Variants in RPS6KC1 observed in about 807,000 individuals in gnomAD.
RPS6KC1 encodes the protein inactive ribosomal protein S6 kinase delta-1.
RPS6KC1 carries 54 observed loss-of-function variants against 103.8 expected under a neutral mutation model. The observed-to-expected ratio is 0.52, with a 90% CI of 0.42 to 0.65. RPS6KC1 has a LOEUF of 0.65. Ranked by LOEUF, RPS6KC1 falls within the 30% of genes least tolerant of loss-of-function variation. The probability of loss-of-function intolerance (pLI) is 0.00; values close to 1 mark genes in which losing one functional copy is unlikely to be tolerated. For synonymous variants in RPS6KC1, 439 were observed against 438.7 expected, an observed-to-expected ratio of 1.00 and a Z score of -0.01; for missense variants, 1,151 against 1,253.8, an observed-to-expected ratio of 0.92 and a Z score of 1.24.
At chr1:213,161,348 T>C (rs866677666) in intron 6 of RPS6KC1, among the ~76,000 whole-genome samples, 1 of 152,010 alleles carries the variant, frequency 6.6e-6, no homozygotes, top group African/African-American at 2.4e-5. Context: ...GGTGACAAAG[T>C]CTCGCTCTGT....
chr1:213,568,805 G>C, the RPS6KC1 span, among the ~76,000 whole-genome samples: 1 of 152,210 alleles, frequency 6.6e-6, no homozygotes, highest in Non-Finnish European at 1.5e-5. Flanking sequence ...CTTGACTGTG[G>C]TAAGGGAACA....
chr1:213,602,118 T>TTCTC, the RPS6KC1 span, among the ~76,000 whole-genome samples: 3 of 8,896 alleles, frequency 3.4e-4, no homozygotes, highest in Admixed American at 3.1e-3. Context: ...CTTTCTTTCT[T>TTCTC]TCTCTTTCTT....
chr1:213,515,830 A>C, the RPS6KC1 span, among the ~76,000 whole-genome samples: 1 of 151,942 alleles, frequency 6.6e-6, no homozygotes, highest in Non-Finnish European at 1.5e-5. Flanking sequence ...CAGTGTGGCC[A>C]TTTTCGCGAT....
At chr1:213,522,942 T>A in the RPS6KC1 span, among the ~76,000 whole-genome samples, 2 of 152,242 alleles carry the variant, frequency 1.3e-5, no homozygotes, top group African/African-American at 4.8e-5. Context: ...GTTATTCTTT[T>A]CATTCACAAC....
chr1:213,676,790 G>T, the RPS6KC1 span, among the ~76,000 whole-genome samples: 1 of 152,272 alleles, frequency 6.6e-6, no homozygotes, highest in East Asian at 1.9e-4. Context: ...TTGTATACCT[G>T]CTCACTTCTC....
At chr1:213,454,188 A>G in the RPS6KC1 span, among the ~76,000 whole-genome samples, 2 of 151,898 alleles carry the variant, frequency 1.3e-5, no homozygotes, top group African/African-American at 2.4e-5. Flanking sequence ...TCAAGGGTCA[A>G]CTCTATCTTA....
the RPS6KC1 span, among the ~76,000 whole-genome samples, chr1:213,412,888 C>A: frequency 6.6e-6 from 1 of 152,208 alleles, no homozygotes; most frequent in African/African-American, 2.4e-5. Context: ...GAGAAACACT[C>A]CCCCCAGCCA....
intron 1 of RPS6KC1, among the ~76,000 whole-genome samples, chr1:213,062,185 C>G (rs1183862547): frequency 2.0e-5 from 3 of 152,068 alleles, no homozygotes; most frequent in South Asian, 2.1e-4. Flanking sequence ...TTTTGAGTGT[C>G]AAATGATGCT....
rs12027966 is a variant in RPS6KC1 at position 213,267,995 on chromosome 1, G to T, written c.3091-4529G>T. ...ATAGTCCCAGAAGGAGAGGAGAAAG[G>T]GAAAGGGACAGCAAAAAGAAATAAT... is the stretch of plus-strand genomic sequence containing the variant. On this transcript the variant is annotated intron_variant, in intron 14 of 14. Coordinates refer to ENST00000366960, the MANE Select transcript of RPS6KC1 (RefSeq NM_012424.6). Among the ~76,000 whole-genome samples the T allele has an allele frequency of 6.0e-4, 91 of 151,602 alleles. No individual in the cohort carries two copies. In the East Asian group the frequency reaches 0.017, roughly 28 times the overall value.
Position 213,241,646 on chromosome 1 carries a change from A to T in RPS6KC1, c.2170A>T (p.Lys724Ter). The change falls in exon 11 of 15, where the codon AAA (lysine) becomes TAA (stop). Residue 724 changes from lysine to a stop codon, truncating the protein, a stop_gained. Transcript: ENST00000366960. LOFTEE classifies it high-confidence loss of function. ...TQTNIGIIEN[K>*]LLEAPDVLCL... ...AACTAATATAGGGATAATAGAAAAT[A>T]AACTCTTGGAAGCCCCTGATGTTTT... The T allele has an allele frequency of 6.2e-7, 1 of 1,613,932 alleles. No individual in the cohort carries two copies. The highest frequency in any genetic ancestry group is 8.5e-7 in the Non-Finnish European group (1 of 1,179,964).
the RPS6KC1 span, among the ~76,000 whole-genome samples, chr1:213,717,527 G>A: frequency 3.3e-5 from 5 of 152,310 alleles, no homozygotes; most frequent in South Asian, 1.0e-3. Context: ...GGATGGCAGG[G>A]GTGGTGTTGG....
the RPS6KC1 span, among the ~76,000 whole-genome samples, chr1:213,515,912 G>C: frequency 4.3e-4 from 65 of 151,442 alleles, 1 homozygote; most frequent in South Asian, 0.013. Context: ...TCATTGAGCA[G>C]TGGTTTGTAG....
chr1:213,122,857 AT>A (rs980463696), intron 5 of RPS6KC1, among the ~76,000 whole-genome samples: 7 of 151,938 alleles, frequency 4.6e-5, no homozygotes, highest in Admixed American at 6.6e-5. Flanking sequence ...ACAACAGGTC[AT>A]TTTTTCCCCC....
the RPS6KC1 span, among the ~76,000 whole-genome samples, chr1:213,303,249 G>T: frequency 6.6e-6 from 1 of 152,164 alleles, no homozygotes; most frequent in African/African-American, 2.4e-5. Context: ...GAGAGGAGAG[G>T]ATAAAGATGT....
At chr1:213,579,953 A>T in the RPS6KC1 span, among the ~76,000 whole-genome samples, 1 of 152,078 alleles carries the variant, frequency 6.6e-6, no homozygotes, top group Non-Finnish European at 1.5e-5. Flanking sequence ...CAAGGAGATG[A>T]ATGTTGTTTT....
chr1:213,683,366 G>C, the RPS6KC1 span, among the ~76,000 whole-genome samples: 1 of 152,084 alleles, frequency 6.6e-6, no homozygotes, highest in Non-Finnish European at 1.5e-5. Flanking sequence ...CTTAAGGATG[G>C]ACAAACTGCA....
chr1:213,726,413 T>C, the RPS6KC1 span, among the ~76,000 whole-genome samples: 5 of 152,206 alleles, frequency 3.3e-5, no homozygotes, highest in Admixed American at 1.3e-4. Flanking sequence ...CAGATGGCAC[T>C]AACTGTCATA....
At chr1:213,067,073 CT>C (rs1348988692) in intron 1 of RPS6KC1, among the ~76,000 whole-genome samples, 1 of 152,270 alleles carries the variant, frequency 6.6e-6, no homozygotes, top group East Asian at 1.9e-4. Flanking sequence ...TGAAAGCCCC[CT>C]CCCCACGTCG....
the RPS6KC1 span, among the ~76,000 whole-genome samples, chr1:213,823,305 C>G: frequency 6.6e-6 from 1 of 152,208 alleles, no homozygotes; most frequent in Non-Finnish European, 1.5e-5. Context: ...TACCTACCAA[C>G]TAGAGCCTAA....
Sources: allele counts gnomAD v4.1 joint callset (sites outside exome capture counted in the v4.1 genomes callset), GRCh38; gene constraint gnomAD v4.1.1; transcripts MANE v1.5; gene names NCBI Gene and HGNC (gene_info 2026-07-23, HGNC 2026-07-21).